NDUFA10: variants seen among roughly 807,000 people sequenced by gnomAD.
NDUFA10 encodes the protein NADH:ubiquinone oxidoreductase subunit A10, also known as NADH dehydrogenase [ubiquinone] 1 alpha subcomplex subunit 10, mitochondrial.
In NDUFA10, 40 loss-of-function variants were observed where a neutral mutation model predicts 47.8. That is an observed-to-expected ratio of 0.84 (90% CI 0.65 to 1.09). NDUFA10 has a LOEUF of 1.09. Ranked by LOEUF, NDUFA10 falls within the 50% of genes least tolerant of loss-of-function variation. The pLI, the probability that NDUFA10 is intolerant of heterozygous loss-of-function variation, is 0.00. For missense variants in NDUFA10, 413 were observed against 451.1 expected, an observed-to-expected ratio of 0.92 and a Z score of 0.76; for synonymous variants, 183 against 172.2, an observed-to-expected ratio of 1.06 and a Z score of -0.49.
intron 4 of NDUFA10, among the ~76,000 whole-genome samples, chr2:239,939,983 G>T (rs1358471779): frequency 6.6e-6 from 1 of 152,238 alleles, no homozygotes; most frequent in Non-Finnish European, 1.5e-5. Flanking sequence ...CTCAGCCCGG[G>T]GAAGGGTCAT....
At chr2:239,924,457 CAATT>C (rs952501148) in intron 4 of NDUFA10, among the ~76,000 whole-genome samples, 1 of 151,926 alleles carries the variant, frequency 6.6e-6, no homozygotes, top group Admixed American at 6.6e-5. Flanking sequence ...ATTATCATAT[CAATT>C]GATGATGCAG....
intron 4 of NDUFA10, among the ~76,000 whole-genome samples, chr2:240,015,420 T>G (rs928848695): frequency 6.6e-6 from 1 of 152,252 alleles, no homozygotes; most frequent in Non-Finnish European, 1.5e-5. Context: ...TCTGGTCTTC[T>G]CTGAAGAATA....
chr2:239,931,931 G>T (rs1366121481), intron 4 of NDUFA10, among the ~76,000 whole-genome samples: 1 of 147,540 alleles, frequency 6.8e-6, no homozygotes, highest in African/African-American at 2.5e-5. Context: ...CGCCTCCCGG[G>T]TTCACGCCAT....
Position 240,005,255 on chromosome 2 carries a change from G to A in NDUFA10, c.845C>T (p.Pro282Leu), listed in dbSNP as rs201798886. ...DIEYLKFDKG[P>L]WLKQDNRTLY... ...AGTGCGATTGTCCTGCTTGAGCCAC[G>A]GCCCTTTATCGAACTTCAGGTATTC... is the stretch of plus-strand genomic sequence containing the variant. Residue 282 changes from proline (P) to leucine (L), a missense_variant, in exon 8 of 10, where the codon CCG (proline) becomes CTG (leucine). Physicochemically the swap from Pro to Leu is moderately conservative, Grantham distance 98 (BLOSUM62 -3). Transcript: ENST00000252711. 2.0e-5 allele frequency: 33 copies of A among 1,614,026 alleles called. No individual in the cohort carries two copies. Among genetic ancestry groups the A allele is most frequent in the South Asian group, 1.9e-4 (17 of 91,062 alleles).
intron 4 of NDUFA10, among the ~76,000 whole-genome samples, chr2:239,907,960 C>T (rs746968162): frequency 7.3e-4 from 111 of 152,234 alleles, no homozygotes; most frequent in Non-Finnish European, 1.3e-3. Flanking sequence ...ATGTTTATTG[C>T]GGCACTATTC....
chr2:239,947,248 G>A (rs1694470916), intron 4 of NDUFA10, among the ~76,000 whole-genome samples: 1 of 152,202 alleles, frequency 6.6e-6, no homozygotes. Context: ...TCCGAGCCTG[G>A]GAATACCAAG....
chr2:239,905,986 C>T (rs771040600), intron 4 of NDUFA10, among the ~76,000 whole-genome samples: 2 of 152,062 alleles, frequency 1.3e-5, no homozygotes, highest in Admixed American at 6.5e-5. Flanking sequence ...CTGTCCCATG[C>T]GCGGGAGGCC....
chr2:239,901,151 A>G (rs892320366), intron 4 of NDUFA10, among the ~76,000 whole-genome samples: 2 of 152,182 alleles, frequency 1.3e-5, no homozygotes, highest in African/African-American at 4.8e-5. Flanking sequence ...ACTCTTTTCC[A>G]TTCTGAAAAA....
rs113721625 is a variant in NDUFA10, at chr2:239,918,471, C to A, written c.295-23157G>T. The stretch of plus-strand genomic sequence containing the variant: ...CCTCTTGAGCCCCTCCACCCCTGTG[C>A]TAACCCAATCCTGTCTCCCAAGGAC... On this transcript the variant is annotated intron_variant, in intron 4 of 5. Coordinates refer to the NDUFA10 transcript ENST00000419408. 6.3e-3 allele frequency among the ~76,000 whole-genome samples: 964 copies of A among 152,346 alleles called. 14 individuals are homozygous for A. The highest frequency in any genetic ancestry group is 0.021 in the African/African-American group (885 of 41,574).
At chr2:239,965,476 A>G (rs1695022149) in intron 9 of NDUFA10, among the ~76,000 whole-genome samples, 1 of 152,168 alleles carries the variant, frequency 6.6e-6, no homozygotes, top group South Asian at 2.1e-4. Context: ...CGCCTCAGGG[A>G]GGAAAGCAGC....
In NDUFA10 at chr2:239,903,321, G is replaced by T. The variant is rs1439256758; in HGVS notation, c.295-8007C>A. 3.9e-5 allele frequency among the ~76,000 whole-genome samples: 6 copies of T among 152,302 alleles called. No homozygotes were observed. In the East Asian group the frequency reaches 1.2e-3, roughly 29 times the overall value. ...GCACGGGGGGCTTGTATATTACGTT[G>T]AGCTCAGGGCGAGGAGGCTCCTTCT... On this transcript the variant is annotated intron_variant, in intron 4 of 5. Coordinates refer to the NDUFA10 transcript ENST00000419408.
intron 4 of NDUFA10, among the ~76,000 whole-genome samples, chr2:239,936,794 A>G: frequency 6.6e-6 from 1 of 152,042 alleles, no homozygotes; most frequent in South Asian, 2.1e-4. Flanking sequence ...CTCTACTAAT[A>G]ATAAAAAAAT....
intron 8 of NDUFA10, among the ~76,000 whole-genome samples, chr2:240,003,724 T>A (rs1463395601): frequency 6.6e-6 from 1 of 152,162 alleles, no homozygotes; most frequent in African/African-American, 2.4e-5. Flanking sequence ...ATCTCCTGAG[T>A]GCACGCTGGA....
intron 9 of NDUFA10, among the ~76,000 whole-genome samples, chr2:239,965,732 G>A (rs563224558): frequency 2.6e-5 from 4 of 152,326 alleles, no homozygotes; most frequent in African/African-American, 9.6e-5. Flanking sequence ...CCTGTCAGAA[G>A]TCAGGGCTTC....
chr2:239,953,836 T>C (rs889475735), downstream of NDUFA10, among the ~76,000 whole-genome samples: 48 of 152,280 alleles, frequency 3.2e-4, no homozygotes, highest in Non-Finnish European at 5.6e-4. Flanking sequence ...AAACTTAAAA[T>C]AGACTCCGCT....
rs1217008234 is a variant in NDUFA10 at position 239,967,974 on chromosome 2, A to AT, written c.1000-6789_1000-6788insA. On this transcript the variant is annotated intron_variant, in intron 9 of 9. Coordinates refer to ENST00000252711, the MANE Select transcript of NDUFA10 (RefSeq NM_004544.4). ...TCGCACAGAAATCAGTCAAGGAAAAAAATATACACACACACACACACACAC... is the reference window on the plus strand; with the variant it reads ...TCGCACAGAAATCAGTCAAGGAAAAATAATATACACACACACACACACACAC... Among the ~76,000 whole-genome samples, 4 of 117,148 alleles carry AT rather than the reference A, an allele frequency of 3.4e-5. No individual in the cohort carries two copies. The East Asian group carries it at 7.3e-4, about 21-fold the overall frequency. 76.9% of individuals were successfully genotyped at this position (117,148 alleles called of 152,430 possible).
In NDUFA10 at chr2:239,957,627, T is replaced by C. The variant is rs1694693416; in HGVS notation, c.*3491A>G. ...AGATAAAATTTGACAGTTTCATTTG[T>C]CTTCCTATTAGAACCCTTAAATCAG... On this transcript the variant is annotated 3_prime_UTR_variant, in exon 10 of 10. Transcript: ENST00000252711. The C allele has an allele frequency of 1.3e-5, 2 of 152,386 alleles. 1 individual carries two copies. Among genetic ancestry groups the C allele is most frequent in the Middle Eastern group, 6.8e-3 (2 of 294 alleles). The allele number at this position is 152,386 out of a possible 1,614,324, so 9.4% of individuals were successfully genotyped here. A position where few individuals can be genotyped will look rare whatever the true frequency, so the allele number is the denominator to read the frequency against.
At chr2:240,008,573 C>T (rs1363046044) in intron 6 of NDUFA10, among the ~76,000 whole-genome samples, 1 of 152,216 alleles carries the variant, frequency 6.6e-6, no homozygotes, top group Non-Finnish European at 1.5e-5. Flanking sequence ...TTAAACATCC[C>T]TGATGAACAG....
At chr2:240,009,703 A>G (rs1697070255) in intron 6 of NDUFA10, among the ~76,000 whole-genome samples, 1 of 152,256 alleles carries the variant, frequency 6.6e-6, no homozygotes, top group Non-Finnish European at 1.5e-5. Context: ...CAACGGAGCC[A>G]TCATCTTGTC....
Sources: gnomAD v4.1 joint callset for allele counts (sites outside exome capture counted in the v4.1 genomes callset) on GRCh38, gnomAD v4.1.1 for gene constraint, MANE v1.5 for transcripts, NCBI Gene and HGNC (gene_info 2026-07-23, HGNC 2026-07-21) for gene names.